The following DAW1 variants were observed in gnomAD, a reference collection of about 807,000 sequenced individuals.
DAW1 encodes the protein dynein assembly factor with WD repeats 1.
A neutral mutation model predicts 56.5 loss-of-function variants in DAW1; 47 were observed. That is an observed-to-expected ratio of 0.83 (90% CI 0.66 to 1.06). The LOEUF (loss-of-function observed/expected upper bound fraction) is 1.06, where lower values mean the gene tolerates loss of function less well. Ranked by LOEUF, DAW1 falls within the 50% of genes least tolerant of loss-of-function variation. DAW1 has a pLI of 0.00. For synonymous variants in DAW1, 190 were observed against 179.0 expected (o/e 1.06, Z -0.49); for missense variants, 505 against 499.3 (o/e 1.01, Z -0.11).
At chr2:227,887,986 A>G (rs1574652611) in intron 2 of DAW1, among the ~76,000 whole-genome samples, 1 of 152,052 alleles carries the variant, frequency 6.6e-6, no homozygotes, top group Non-Finnish European at 1.5e-5. Flanking sequence ...GTTGTTGAAA[A>G]CGTTTCAAAG....
Position 227,889,958 on chromosome 2 carries a change from G to T in DAW1, c.216G>T (p.Glu72Asp). 1 of 1,601,790 alleles carries T rather than the reference G, an allele frequency of 6.2e-7. No homozygotes were observed. The highest frequency in any genetic ancestry group is 1.1e-5 in the South Asian group (1 of 88,722). The change falls in exon 3 of 13, where the codon GAG (glutamate) becomes GAT (aspartate). Residue 72 changes from glutamate to aspartate, a missense_variant. By Grantham distance (45) the Glu-to-Asp change is conservative. Coordinates refer to ENST00000309931, the MANE Select transcript of DAW1 (RefSeq NM_178821.3). ...AACTTTTGATACAGAGGTTGCAAGAGAAACTCGGCCAGAACAGCAATCACA... is the reference window on the plus strand; with the variant it reads ...AACTTTTGATACAGAGGTTGCAAGATAAACTCGGCCAGAACAGCAATCACA... ...QVKLLIQRLQ[E>D]KLGQNSNHTF...
rs578199772 is a variant in DAW1 at position 227,873,869 on chromosome 2, C to T, written c.40+2140C>T. Among the ~76,000 whole-genome samples the T allele has an allele frequency of 9.2e-5, 14 of 152,168 alleles. No individual in the cohort carries two copies. In the East Asian group the frequency reaches 9.7e-4, roughly 11 times the overall value. ...CTAATTTTTGTATTTTTAGCAGAGACGGGGTTTCACCATGTTGGCCAGGCT... is the reference window on the plus strand; with the variant it reads ...CTAATTTTTGTATTTTTAGCAGAGATGGGGTTTCACCATGTTGGCCAGGCT... On this transcript the variant is annotated intron_variant, in intron 1 of 12. Transcript: ENST00000309931.
intron 1 of DAW1, among the ~76,000 whole-genome samples, chr2:227,874,121 T>C (rs962549690): frequency 6.6e-6 from 1 of 152,234 alleles, no homozygotes; most frequent in Non-Finnish European, 1.5e-5. Context: ...CTGGTTCCCA[T>C]AGATGTACCA....
At chr2:227,901,672 G>A (rs1310540032) in intron 6 of DAW1, among the ~76,000 whole-genome samples, 5 of 152,192 alleles carry the variant, frequency 3.3e-5, no homozygotes, top group Admixed American at 6.5e-5. Context: ...CGGGATGACC[G>A]ACCAAACCTG....
Position 227,918,783 on chromosome 2 carries a change from C to G in DAW1, c.977C>G (p.Thr326Arg). The G allele has an allele frequency of 6.2e-7, 1 of 1,613,942 alleles. No individual in the cohort carries two copies. The highest frequency in any genetic ancestry group is 8.5e-7 in the Non-Finnish European group (1 of 1,179,964). The change falls in exon 11 of 13, where the codon ACA becomes AGA. Residue 326 changes from threonine (T) to arginine (R), a missense_variant. Physicochemically the swap from Thr to Arg is moderately conservative, Grantham distance 71. Transcript: ENST00000309931. ...TATCCCCACCCCTCTCAAAAAGGAA[C>G]AGCAAGAATTTTCAGTGCTGCCACA... is the stretch of plus-strand genomic sequence containing the variant. ...KLIATASADG[T>R]ARIFSAATRK...
At chr2:227,896,887 T>A (rs1691422960) in intron 5 of DAW1, among the ~76,000 whole-genome samples, 1 of 151,492 alleles carries the variant, frequency 6.6e-6, no homozygotes, top group Non-Finnish European at 1.5e-5. Flanking sequence ...AGGGAACTGA[T>A]AAAGAATGTA....
intron 10 of DAW1, among the ~76,000 whole-genome samples, chr2:227,911,832 C>G (rs1559312804): frequency 6.6e-6 from 1 of 152,144 alleles, no homozygotes; most frequent in African/African-American, 2.4e-5. Flanking sequence ...CTGATATCCA[C>G]ATGTGATGCT....
In DAW1 at chr2:227,914,737, C is replaced by T. The variant is rs139370812; in HGVS notation, c.974-4043C>T. On this transcript the variant is annotated intron_variant, in intron 10 of 12. Transcript: ENST00000309931. ...TGCTACATCTTATCAGGGTCATCAC[C>T]TTGAAAACCACCTATGATGCTACAT... Among the ~76,000 whole-genome samples, 393 of 152,142 alleles carry T rather than the reference C, an allele frequency of 2.6e-3. 2 individuals carry two copies. Among genetic ancestry groups the T allele is most frequent in the African/African-American group, 8.9e-3 (368 of 41,538 alleles).
intron 5 of DAW1, 104 bp downstream of exon 5, chr2:227,894,021 C>A: frequency 1.6e-6 from 2 of 1,264,956 alleles, no homozygotes; most frequent in Non-Finnish European, 2.1e-6. Context: ...TTATTGAGTG[C>A]TTGGTATGTG....
At chr2:227,909,270 A>ATCTATCTGTCTGTCTGTCTGTCTG (rs1553603365) in intron 10 of DAW1, among the ~76,000 whole-genome samples, 1 of 144,454 alleles carries the variant, frequency 6.9e-6, no homozygotes, top group African/African-American at 2.6e-5. Context: ...CTATCTATCT[A>ATCTATCTGTCTGTCTGTCTGTCTG]TCTGTCTGTC....
rs554741783 is a variant in DAW1, at chr2:227,907,827, C to T, written c.973+575C>T. 9.8e-5 allele frequency among the ~76,000 whole-genome samples: 15 copies of T among 152,286 alleles called. No homozygotes were observed. In the South Asian group the frequency reaches 2.1e-3, roughly 21 times the overall value. On this transcript the variant is annotated intron_variant, in intron 10 of 12. Coordinates refer to ENST00000309931, the MANE Select transcript of DAW1 (RefSeq NM_178821.3). Reference sequence around the variant, plus strand: ...CCTCCCAAAATGCTGGGATTACAGGCGTGAGCCACCGTGCCCAGCTTCCCT... The same window carrying T: ...CCTCCCAAAATGCTGGGATTACAGGTGTGAGCCACCGTGCCCAGCTTCCCT...
intron 6 of DAW1, among the ~76,000 whole-genome samples, chr2:227,901,671 C>T (rs112515208): frequency 7.0e-4 from 107 of 152,206 alleles, no homozygotes; most frequent in Middle Eastern, 3.4e-3. Flanking sequence ...GCGGGATGAC[C>T]GACCAAACCT....
At chr2:227,882,365 C>T (rs928631503) in intron 1 of DAW1, among the ~76,000 whole-genome samples, 17 of 152,110 alleles carry the variant, frequency 1.1e-4, no homozygotes, top group Admixed American at 6.5e-4. Context: ...TACTACAAAT[C>T]GAGGCAGTGA....
At chr2:227,906,448 A>T (rs1691684894) in intron 9 of DAW1, 110 bp downstream of exon 9, 1 of 779,168 alleles carries the variant, frequency 1.3e-6, no homozygotes, top group African/African-American at 1.8e-5. Flanking sequence ...AAATTAAGAT[A>T]TTAATTTACA....
intron 5 of DAW1, among the ~76,000 whole-genome samples, chr2:227,895,870 C>G (rs1224212730): frequency 6.6e-6 from 1 of 152,088 alleles, no homozygotes; most frequent in Non-Finnish European, 1.5e-5. Flanking sequence ...AAACAAGACA[C>G]AAGGAGGTCA....
At chr2:227,881,191 C>A (rs931866973) in intron 1 of DAW1, among the ~76,000 whole-genome samples, 3 of 152,162 alleles carry the variant, frequency 2.0e-5, no homozygotes, top group Admixed American at 2.0e-4. Flanking sequence ...ATGCATTAAG[C>A]AATTTGAGGA....
At chr2:227,883,434 A>C (rs1691054843) in intron 1 of DAW1, among the ~76,000 whole-genome samples, 1 of 152,248 alleles carries the variant, frequency 6.6e-6, no homozygotes, top group African/African-American at 2.4e-5. Flanking sequence ...TGCATGGACC[A>C]TGCATGAATA....
chr2:227,912,268 T>G (rs1360971958), intron 10 of DAW1: 2 of 665,816 alleles, frequency 3.0e-6, no homozygotes, highest in East Asian at 1.3e-4. Flanking sequence ...AGTCTCGCTC[T>G]GTCGCCCAGG....
chr2:227,910,524 A>ACACACACACACACACC (rs756824641), intron 10 of DAW1, among the ~76,000 whole-genome samples: 16 of 150,196 alleles, frequency 1.1e-4, no homozygotes, highest in Admixed American at 2.0e-4. Context: ...ACACACACAC[A>ACACACACACACACACC]CCCCTCATAT....
Sources: gnomAD v4.1 joint callset for allele counts (sites outside exome capture counted in the v4.1 genomes callset) on GRCh38, gnomAD v4.1.1 for gene constraint, MANE v1.5 for transcripts, NCBI Gene and HGNC (gene_info 2026-07-23, HGNC 2026-07-21) for gene names.